The following RALA variants were observed in gnomAD, a reference collection of about 807,000 sequenced individuals.
RALA encodes RAS like proto-oncogene A.
In RALA, 5 loss-of-function variants were observed where a neutral mutation model predicts 24.0. The observed-to-expected ratio is 0.21, with a 90% CI of 0.11 to 0.44. The LOEUF is 0.44. RALA is among the 20% of genes least tolerant of loss of function. The pLI is 0.99. For missense variants in RALA, 95 were observed against 241.2 expected (o/e 0.39, Z 4.01); for synonymous variants, 77 against 83.8 (o/e 0.92, Z 0.44).
At chr7:39,655,806 A>C (rs139282084) in intron 1 of RALA, among the ~76,000 whole-genome samples, 1 of 152,254 alleles carries the variant, frequency 6.6e-6, no homozygotes, top group East Asian at 1.9e-4. Flanking sequence ...AAACTTCCCC[A>C]AATTTTCCAC....
At chr7:39,689,256 C>T (rs1226802515) in intron 2 of RALA, among the ~76,000 whole-genome samples, 1 of 152,180 alleles carries the variant, frequency 6.6e-6, no homozygotes, top group Non-Finnish European at 1.5e-5. Flanking sequence ...GCCTCCCTAA[C>T]TGCTGGCATT....
chr7:39,673,367 T>A (rs1385695411), intron 1 of RALA, among the ~76,000 whole-genome samples: 1 of 152,156 alleles, frequency 6.6e-6, no homozygotes, highest in Non-Finnish European at 1.5e-5. Flanking sequence ...TTTGTACCTT[T>A]ACCAAAATAC....
rs1791426517 is a variant in RALA at position 39,623,981 on chromosome 7, G to A, written c.-38+156G>A. On this transcript the variant is annotated intron_variant, in intron 1 of 4. Transcript: ENST00000005257. This position sits in a 1 kb window ranked among gnomAD's most constrained non-coding sequence, Gnocchi z 4.9. The stretch of plus-strand genomic sequence containing the variant: ...TCTGCCCGGGGACGAGCTGCGAGAT[G>A]AGCCCGGCTGGAATCCGGGGCACCG... The A allele has an allele frequency of 6.6e-6, 1 of 152,236 alleles. No individual in the cohort carries two copies. Among genetic ancestry groups the A allele is most frequent in the Non-Finnish European group, 1.5e-5 (1 of 68,076 alleles). 9.4% of individuals were successfully genotyped at this position (152,236 alleles called of 1,614,324 possible). A position where few individuals can be genotyped will look rare whatever the true frequency, so the allele number is the denominator to read the frequency against.
chr7:39,671,200 GT>G lies in RALA; in HGVS notation c.-37-15430del, dbSNP rs1792381602. On this transcript the variant is annotated intron_variant, in intron 1 of 4. Transcript: ENST00000005257. The stretch of plus-strand genomic sequence containing the variant: ...CCAGTCTCTTTTTTTAAAACTCCTG[GT>G]GCTTCTCCATTGCTCTAAGGATAAA... Among the ~76,000 whole-genome samples the G allele has an allele frequency of 2.0e-5, 3 of 151,782 alleles. No homozygotes were observed. In the South Asian group the frequency reaches 6.2e-4, roughly 32 times the overall value.
intron 2 of RALA, among the ~76,000 whole-genome samples, chr7:39,688,330 G>A (rs73128978): frequency 5.3e-3 from 809 of 151,922 alleles, no homozygotes; most frequent in Non-Finnish European, 8.3e-3. Flanking sequence ...TGCATTGGAG[G>A]TCACAGTGAG....
intron 1 of RALA, among the ~76,000 whole-genome samples, chr7:39,657,048 A>G (rs904810327): frequency 2.7e-5 from 4 of 147,676 alleles, no homozygotes; most frequent in South Asian, 2.2e-4. Flanking sequence ...GCTCACTACA[A>G]CCTCCACCTC....
At chr7:39,650,985 C>T (rs1478280325) in intron 1 of RALA, among the ~76,000 whole-genome samples, 2 of 152,218 alleles carry the variant, frequency 1.3e-5, no homozygotes, top group African/African-American at 2.4e-5. Flanking sequence ...GTGCCCAGGA[C>T]AGAAGCCTCA....
intron 1 of RALA, among the ~76,000 whole-genome samples, chr7:39,640,274 G>A (rs907396626): frequency 1.7e-4 from 26 of 152,092 alleles, no homozygotes; most frequent in Admixed American, 5.2e-4. Flanking sequence ...TGAGCTCAAG[G>A]GATCCACCCG....
At chr7:39,655,024 T>C (rs1792073465) in intron 1 of RALA, among the ~76,000 whole-genome samples, 1 of 152,190 alleles carries the variant, frequency 6.6e-6, no homozygotes, top group Non-Finnish European at 1.5e-5. Flanking sequence ...GCTGGGATTA[T>C]AGTCATGAGC....
chr7:39,627,510 T>C (rs1045999412), intron 1 of RALA, among the ~76,000 whole-genome samples: 3 of 152,238 alleles, frequency 2.0e-5, no homozygotes, highest in Non-Finnish European at 4.4e-5. Flanking sequence ...AAACTAAATG[T>C]CAGGGTTTGG....
intron 1 of RALA, among the ~76,000 whole-genome samples, chr7:39,643,771 G>A (rs1000910284): frequency 1.3e-5 from 2 of 152,128 alleles, no homozygotes; most frequent in Admixed American, 6.5e-5. Context: ...GCAGGAGAAC[G>A]GCTTGAACCT....
chr7:39,694,161 C>G (rs1792877414), intron 3 of RALA, among the ~76,000 whole-genome samples: 1 of 152,194 alleles, frequency 6.6e-6, no homozygotes, highest in Non-Finnish European at 1.5e-5. Flanking sequence ...ATTTTAACAT[C>G]TCTGAGGGCT....
At chr7:39,641,265 T>A (rs1791811521) in intron 1 of RALA, among the ~76,000 whole-genome samples, 1 of 152,216 alleles carries the variant, frequency 6.6e-6, no homozygotes, top group African/African-American at 2.4e-5. Context: ...CCTGGACTAT[T>A]TTTGAAAACT....
chr7:39,699,401 A>G (rs1792982955), intron 4 of RALA, among the ~76,000 whole-genome samples: 1 of 151,966 alleles, frequency 6.6e-6, no homozygotes, highest in Non-Finnish European at 1.5e-5. Flanking sequence ...CGGCCTCCCA[A>G]AGTGCTGGGA....
chr7:39,662,145 C>T (rs1370140358), intron 1 of RALA, among the ~76,000 whole-genome samples: 2 of 152,178 alleles, frequency 1.3e-5, no homozygotes, highest in African/African-American at 4.8e-5. Context: ...TTGGGGGGCC[C>T]TTAGCCCAGC....
Position 39,706,680 on chromosome 7 carries a change from C to CTT in RALA, c.*441_*442dup, listed in dbSNP as rs549135698. On this transcript the variant is annotated 3_prime_UTR_variant, in exon 5 of 5. Coordinates refer to ENST00000005257, the MANE Select transcript of RALA (RefSeq NM_005402.4). ...TGTGAACATGATAGTTAAACTACCA[C>CTT]TTTTTTTAACCATTATTATGCAAAA... The CTT allele has an allele frequency of 6.6e-6, 1 of 152,650 alleles. No individual in the cohort carries two copies. The highest frequency in any genetic ancestry group is 1.5e-5 in the Non-Finnish European group (1 of 68,340). 9.5% of individuals were successfully genotyped at this position (152,650 alleles called of 1,614,324 possible).
In RALA at chr7:39,707,274, A is replaced by T. The variant is rs1793134591; in HGVS notation, c.*1029A>T. 1 of 152,236 alleles carries T rather than the reference A, an allele frequency of 6.6e-6. No individual in the cohort carries two copies. Among genetic ancestry groups the T allele is most frequent in the Non-Finnish European group, 1.5e-5 (1 of 68,044 alleles). 9.4% of individuals were successfully genotyped at this position (152,236 alleles called of 1,614,324 possible). ...GAGCAGGGCATAGGAAGAAAATGTC[A>T]GTAGTGCTAATGCATTTTGCACTAG... On this transcript the variant is annotated 3_prime_UTR_variant, in exon 5 of 5. Transcript: ENST00000005257.
chr7:39,668,647 A>T (rs1056642141), intron 1 of RALA, among the ~76,000 whole-genome samples: 7 of 151,942 alleles, frequency 4.6e-5, no homozygotes, highest in Non-Finnish European at 8.8e-5. Flanking sequence ...AAAATACAAA[A>T]ATCAGCTGGG....
At chr7:39,673,879 C>G (rs1441879014) in intron 1 of RALA, among the ~76,000 whole-genome samples, 2 of 151,890 alleles carry the variant, frequency 1.3e-5, no homozygotes, top group Admixed American at 1.3e-4. Flanking sequence ...CCTAGTGGCT[C>G]AAACTTATAA....
Sources: allele counts gnomAD v4.1 joint callset (sites outside exome capture counted in the v4.1 genomes callset), GRCh38; gene constraint gnomAD v4.1.1; non-coding constraint Gnocchi (gnomAD v3.1); transcripts MANE v1.5; gene names NCBI Gene and HGNC (gene_info 2026-07-23, HGNC 2026-07-21).